The following PCDHGB5 variants were observed in gnomAD, a reference collection of about 807,000 sequenced individuals.
PCDHGB5 encodes the protein protocadherin gamma-B5.
A neutral mutation model predicts 62.9 loss-of-function variants in PCDHGB5; 48 were observed. That is an observed-to-expected ratio of 0.76 (90% CI 0.61 to 0.97). PCDHGB5 has a LOEUF of 0.97. Ranked by LOEUF, PCDHGB5 falls within the 50% of genes least tolerant of loss-of-function variation. The pLI is 0.00. For synonymous variants in PCDHGB5, 474 were observed against 511.2 expected, an observed-to-expected ratio of 0.93 and a Z score of 0.98; for missense variants, 1,118 against 1,198.6, an observed-to-expected ratio of 0.93 and a Z score of 0.99.
chr5:141,421,402 G>A (rs2096569907), intron 1 of PCDHGB5: 1 of 1,614,076 alleles, frequency 6.2e-7, no homozygotes, highest in Non-Finnish European at 8.5e-7. Context: ...GGAGCCCCGG[G>A]AGCTGGCGAA....
At chr5:141,467,924 G>A (rs2099154404) in intron 1 of PCDHGB5, among the ~76,000 whole-genome samples, 1 of 152,042 alleles carries the variant, frequency 6.6e-6, no homozygotes, top group Non-Finnish European at 1.5e-5. Context: ...CTCCCAAAAT[G>A]CTAGGATTAC....
In PCDHGB5 at chr5:141,408,733, T is replaced by C. The variant is rs753545231; in HGVS notation, c.2397+8209T>C. The C allele has an allele frequency of 7.5e-6, 12 of 1,610,158 alleles. No individual in the cohort carries two copies. The South Asian group carries it at 1.3e-4, about 18-fold the overall frequency. Reference sequence around the variant, plus strand: ...ATTATAAGATAAACTCTAATCCTTATTTTTCATTAATGGTTAGAGTTAATT... The same window carrying C: ...ATTATAAGATAAACTCTAATCCTTACTTTTCATTAATGGTTAGAGTTAATT... On this transcript the variant is annotated intron_variant, in intron 1 of 3. Transcript: ENST00000617380.
chr5:141,467,532 T>G (rs2099145568), intron 1 of PCDHGB5, among the ~76,000 whole-genome samples: 1 of 152,234 alleles, frequency 6.6e-6, no homozygotes, highest in Non-Finnish European at 1.5e-5. Flanking sequence ...TGTGCTGAGA[T>G]ATGGATCTGA....
chr5:141,441,150 T>C (rs1421773650), intron 1 of PCDHGB5: 4 of 152,122 alleles, frequency 2.6e-5, no homozygotes, highest in African/African-American at 7.2e-5. Context: ...ATAATGACAA[T>C]ATCCTAGAGG....
At chr5:141,409,441 G>C (rs1432743588) in intron 1 of PCDHGB5, 1 of 1,613,884 alleles carries the variant, frequency 6.2e-7, no homozygotes, top group East Asian at 2.2e-5. Context: ...TGGACCGAGA[G>C]CAGACACCAG....
At chr5:141,464,411 A>G (rs1029342220) in intron 1 of PCDHGB5, among the ~76,000 whole-genome samples, 3 of 151,624 alleles carry the variant, frequency 2.0e-5, no homozygotes, top group Admixed American at 6.6e-5. Flanking sequence ...AGATATATAT[A>G]TATCTATATA....
chr5:141,435,454 T>C (rs1407615505), intron 1 of PCDHGB5, among the ~76,000 whole-genome samples: 1 of 152,220 alleles, frequency 6.6e-6, no homozygotes, highest in Non-Finnish European at 1.5e-5. Flanking sequence ...ACGATATCTG[T>C]ATGTGTTTCC....
At position 141,430,917 on chromosome 5, in the gene PCDHGB5, G is replaced by A. The variant is rs2097324810; in HGVS notation, c.2397+30393G>A. ...GTGGGCGACATCTCCAGGGACCTGG[G>A]GCTGGAGCCCCGGGAGCTCGCGGAG... On this transcript the variant is annotated intron_variant, in intron 1 of 3. Coordinates refer to ENST00000617380, the MANE Select transcript of PCDHGB5 (RefSeq NM_018925.3). The A allele has an allele frequency of 1.9e-6, 3 of 1,607,956 alleles. No individual in the cohort carries two copies. The highest frequency in any genetic ancestry group is 2.5e-6 in the Non-Finnish European group (3 of 1,177,520).
At chr5:141,502,978 G>T (rs1004984942) in intron 2 of PCDHGB5, among the ~76,000 whole-genome samples, 1 of 150,096 alleles carries the variant, frequency 6.7e-6, no homozygotes, top group Non-Finnish European at 1.5e-5. Context: ...CAAGTAGCTG[G>T]GATTACAGGC....
At chr5:141,408,078 C>G in intron 1 of PCDHGB5, 1 of 1,407,992 alleles carries the variant, frequency 7.1e-7, no homozygotes, top group Non-Finnish European at 9.4e-7. Context: ...CCTTTCCCAG[C>G]ACAGCGGATT....
chr5:141,400,044 G>C lies in PCDHGB5; in HGVS notation c.1917G>C (p.Leu639=), dbSNP rs745775469. 4 of 1,613,556 alleles carry C rather than the reference G, an allele frequency of 2.5e-6. No homozygotes were observed. In the South Asian group the frequency reaches 4.4e-5, roughly 18 times the overall value. Residue 639 remains leucine (L), a synonymous_variant, in exon 1 of 4, where the codon CTG becomes CTC. Coordinates refer to ENST00000617380, the MANE Select transcript of PCDHGB5 (RefSeq NM_018925.3). ...GGGACGCGGCCCGCCAGCGCCTGCT[G>C]GTTGCTGTGCGTGATGGTGGACAGC... The part of the protein sequence containing the change: ...GDRDAARQRL[L]VAVRDGGQPP...
At chr5:141,504,483 AGGCACC>A (rs2099838618) in intron 2 of PCDHGB5, among the ~76,000 whole-genome samples, 1 of 151,954 alleles carries the variant, frequency 6.6e-6, no homozygotes, top group Non-Finnish European at 1.5e-5. Flanking sequence ...AGTACAGTGG[AGGCACC>A]TGCCCAGTCT....
At position 141,505,451 on chromosome 5, in the gene PCDHGB5, C is replaced by T. The variant is rs1350424069; in HGVS notation, c.2515C>T (p.Leu839=). Residue 839 remains leucine (L), a synonymous_variant, in exon 3 of 4, where the codon CTG becomes TTG. Transcript: ENST00000617380. The part of the protein sequence containing the change: ...WPNNQFDTEM[L]QAMILASASE... ...CAACAACCAGTTTGACACAGAGATG[C>T]TGCAAGCCATGATCTTGGCGTCCGC... The T allele has an allele frequency of 1.2e-6, 2 of 1,614,222 alleles. No individual in the cohort carries two copies. The highest frequency in any genetic ancestry group is 1.7e-6 in the Non-Finnish European group (2 of 1,180,048).
chr5:141,477,042 G>A lies in PCDHGB5; in HGVS notation c.2398-17765G>A. ...ACCGGGATGCTGACAATCAAGGGTC[G>A]GCTGGACTTCGAGGACACCAAACTC... On this transcript the variant is annotated intron_variant, in intron 1 of 3. Transcript: ENST00000617380. This position sits in a 1 kb window ranked among gnomAD's most constrained non-coding sequence, Gnocchi z 4.9. 1 of 1,614,238 alleles carries A rather than the reference G, an allele frequency of 6.2e-7. No homozygotes were observed. Among genetic ancestry groups the A allele is most frequent in the Non-Finnish European group, 8.5e-7 (1 of 1,180,040 alleles).
chr5:141,478,418 C>T, intron 1 of PCDHGB5: 1 of 1,613,650 alleles, frequency 6.2e-7, no homozygotes, highest in Non-Finnish European at 8.5e-7. Context: ...GGACTCCCGC[C>T]GCAGCGACCC....
chr5:141,409,541 G>C lies in PCDHGB5; in HGVS notation c.2397+9017G>C, dbSNP rs1485327824. ...CACCTTGTATGTCGCTGACATCAAC[G>C]ACAACGCCCCAGTTTTCGACCAGAC... On this transcript the variant is annotated intron_variant, in intron 1 of 3. Coordinates refer to ENST00000617380, the MANE Select transcript of PCDHGB5 (RefSeq NM_018925.3). 16 of 1,613,852 alleles carry C rather than the reference G, an allele frequency of 9.9e-6. No homozygotes were observed. Among genetic ancestry groups the C allele is most frequent in the Admixed American group, 1.7e-5 (1 of 60,016 alleles).
At chr5:141,433,694 G>T (rs539494151) in intron 1 of PCDHGB5, among the ~76,000 whole-genome samples, 1 of 152,126 alleles carries the variant, frequency 6.6e-6, no homozygotes, top group South Asian at 2.1e-4. Flanking sequence ...AAAATTAGCC[G>T]GGCGTGGTGG....
chr5:141,409,818 C>T (rs1027344375), intron 1 of PCDHGB5: 2 of 1,610,918 alleles, frequency 1.2e-6, no homozygotes, highest in Non-Finnish European at 1.7e-6. Context: ...GACCACGGCT[C>T]GCCCACGCTC....
chr5:141,423,805 G>GT (rs1384575574), intron 1 of PCDHGB5: 44 of 1,261,806 alleles, frequency 3.5e-5, no homozygotes, highest in South Asian at 8.9e-5. Context: ...AGCAATACAT[G>GT]TGAGTTTTAC....
Sources: gnomAD v4.1 joint callset for allele counts (sites outside exome capture counted in the v4.1 genomes callset) on GRCh38, gnomAD v4.1.1 for gene constraint, Gnocchi (gnomAD v3.1) non-coding constraint, MANE v1.5 for transcripts, NCBI Gene and HGNC (gene_info 2026-07-23, HGNC 2026-07-21) for gene names.